RPS6KC1: variants seen among roughly 807,000 people sequenced by gnomAD.
RPS6KC1 encodes ribosomal protein S6 kinase C1.
Under a neutral mutation model 103.8 loss-of-function variants are expected in RPS6KC1, and 54 were observed. That is an observed-to-expected ratio of 0.52 (90% CI 0.42 to 0.65). The LOEUF (loss-of-function observed/expected upper bound fraction) is 0.65. Among genes scored for constraint, RPS6KC1 ranks in the 30% least tolerant of loss-of-function variants. The pLI is 0.00. For missense variants in RPS6KC1, 1,151 were observed against 1,253.8 expected (o/e 0.92, Z 1.24); for synonymous variants, 439 against 438.7 (o/e 1.00, Z -0.01).
the RPS6KC1 span, among the ~76,000 whole-genome samples, chr1:213,543,588 T>C: frequency 6.6e-6 from 1 of 152,214 alleles, no homozygotes; most frequent in East Asian, 1.9e-4. Flanking sequence ...TCACCATCCA[T>C]GCCAAATTTA....
chr1:213,635,121 C>A, the RPS6KC1 span, among the ~76,000 whole-genome samples: 103,185 of 151,976 alleles, frequency 0.68, 35,272 homozygotes, highest in African/African-American at 0.78. Context: ...GAAATGGAGG[C>A]AATAATTAAG....
At chr1:213,066,127 T>C (rs1043991622) in intron 1 of RPS6KC1, among the ~76,000 whole-genome samples, 2 of 152,254 alleles carry the variant, frequency 1.3e-5, no homozygotes, top group Non-Finnish European at 2.9e-5. Flanking sequence ...TCCCTATGCC[T>C]AGCGCAGTGC....
chr1:213,260,067 C>A (rs1485296197), intron 12 of RPS6KC1, among the ~76,000 whole-genome samples: 1 of 152,118 alleles, frequency 6.6e-6, no homozygotes, highest in Non-Finnish European at 1.5e-5. Context: ...TAGTAGTAAT[C>A]CATCATACAG....
the RPS6KC1 span, among the ~76,000 whole-genome samples, chr1:213,284,680 C>T: frequency 6.6e-6 from 1 of 151,566 alleles, no homozygotes; most frequent in Non-Finnish European, 1.5e-5. Context: ...CAAAGAAAAC[C>T]AATGCAAGGG....
chr1:213,800,152 T>G, the RPS6KC1 span, among the ~76,000 whole-genome samples: 1 of 151,994 alleles, frequency 6.6e-6, no homozygotes, highest in Non-Finnish European at 1.5e-5. Context: ...ACATATGAAT[T>G]TAGCAGGGTG....
At chr1:213,267,389 C>T (rs1461899342) in intron 14 of RPS6KC1, among the ~76,000 whole-genome samples, 1 of 151,740 alleles carries the variant, frequency 6.6e-6, no homozygotes, top group Non-Finnish European at 1.5e-5. Flanking sequence ...AAACAAGTTA[C>T]CAAACAAAGA....
chr1:213,496,053 A>G, the RPS6KC1 span, among the ~76,000 whole-genome samples: 5 of 152,204 alleles, frequency 3.3e-5, no homozygotes, highest in African/African-American at 1.2e-4. Context: ...TTTGAATCTG[A>G]CAGTTAGGGA....
the RPS6KC1 span, among the ~76,000 whole-genome samples, chr1:213,393,059 C>G: frequency 6.6e-6 from 1 of 152,206 alleles, no homozygotes; most frequent in Non-Finnish European, 1.5e-5. Flanking sequence ...TTAGACTTGA[C>G]AATAGATGTG....
the RPS6KC1 span, among the ~76,000 whole-genome samples, chr1:213,752,683 T>C: frequency 6.6e-6 from 1 of 152,256 alleles, no homozygotes; most frequent in Non-Finnish European, 1.5e-5. Context: ...GATTAAGCTT[T>C]AATTTGAAGT....
chr1:213,845,099 C>T, the RPS6KC1 span, among the ~76,000 whole-genome samples: 1 of 151,944 alleles, frequency 6.6e-6, no homozygotes, highest in Non-Finnish European at 1.5e-5. Flanking sequence ...AAGGCTTAGC[C>T]TTCATTCTTA....
chr1:213,777,938 G>T, the RPS6KC1 span, among the ~76,000 whole-genome samples: 1 of 152,184 alleles, frequency 6.6e-6, no homozygotes, highest in Non-Finnish European at 1.5e-5. Flanking sequence ...TCTTGAGGTA[G>T]GTGCTATCAT....
chr1:213,821,937 G>C, the RPS6KC1 span: 1 of 152,214 alleles, frequency 6.6e-6, no homozygotes, highest in Non-Finnish European at 1.5e-5. Context: ...TGCCTTGGGT[G>C]GGGGGTTTTA....
chr1:213,464,362 A>T, the RPS6KC1 span, among the ~76,000 whole-genome samples: 11 of 152,294 alleles, frequency 7.2e-5, no homozygotes, highest in East Asian at 1.5e-3. Context: ...CTTTCCATAA[A>T]ATCATTTAAA....
At chr1:213,563,063 G>T in the RPS6KC1 span, among the ~76,000 whole-genome samples, 1 of 152,154 alleles carries the variant, frequency 6.6e-6, no homozygotes, top group South Asian at 2.1e-4. Context: ...CTCTTTGAAA[G>T]AAATATATTA....
At chr1:213,290,323 C>T in the RPS6KC1 span, among the ~76,000 whole-genome samples, 2 of 152,154 alleles carry the variant, frequency 1.3e-5, no homozygotes, top group African/African-American at 4.8e-5. Flanking sequence ...ACTGTTCTCT[C>T]CTGAGATGCA....
At chr1:213,697,402 C>T in the RPS6KC1 span, among the ~76,000 whole-genome samples, 2 of 152,242 alleles carry the variant, frequency 1.3e-5, no homozygotes, top group Non-Finnish European at 2.9e-5. Flanking sequence ...GCTTCAAGAA[C>T]TCCTTCAGAA....
At chr1:213,494,439 A>G in the RPS6KC1 span, among the ~76,000 whole-genome samples, 1 of 152,106 alleles carries the variant, frequency 6.6e-6, no homozygotes, top group Non-Finnish European at 1.5e-5. Flanking sequence ...ATGTAGAGAA[A>G]TGGAAGGATA....
At chr1:213,626,109 AAT>A in the RPS6KC1 span, among the ~76,000 whole-genome samples, 1 of 152,164 alleles carries the variant, frequency 6.6e-6, no homozygotes, top group African/African-American at 2.4e-5. Context: ...CTGACTTTTT[AAT>A]GATCGCCATT....
chr1:213,472,889 A>G, the RPS6KC1 span, among the ~76,000 whole-genome samples: 1 of 152,228 alleles, frequency 6.6e-6, no homozygotes, highest in African/African-American at 2.4e-5. Flanking sequence ...TGTGACTCTA[A>G]AGTTTGGCAA....
Sources: allele counts gnomAD v4.1 joint callset (sites outside exome capture counted in the v4.1 genomes callset), GRCh38; gene constraint gnomAD v4.1.1; transcripts MANE v1.5; gene names NCBI Gene and HGNC (gene_info 2026-07-23, HGNC 2026-07-21).